AFF1: variants seen among roughly 807,000 people sequenced by gnomAD.
AFF1 encodes the protein AF4/FMR2 family member 1.
A neutral mutation model predicts 121.7 loss-of-function variants in AFF1; 48 were observed. The ratio of observed to expected loss-of-function variants is 0.39; its 90% CI spans 0.31 to 0.50. The LOEUF is 0.50. AFF1 is among the 20% of genes least tolerant of loss of function. AFF1 has a pLI of 0.76. For missense variants in AFF1, 1,523 were observed against 1,511.7 expected (o/e 1.01, Z -0.12); for synonymous variants, 613 against 563.0 (o/e 1.09, Z -1.26).
At chr4:86,986,594 C>T (rs1724295254) in intron 2 of AFF1, among the ~76,000 whole-genome samples, 1 of 149,896 alleles carries the variant, frequency 6.7e-6, no homozygotes. Context: ...TAGAACTCTG[C>T]AGAAAAAAAA....
rs141135920 is a variant in AFF1 at position 87,058,867 on chromosome 4, C to T, written c.1059+11273C>T. Among the ~76,000 whole-genome samples, 58 of 152,228 alleles carry T rather than the reference C, an allele frequency of 3.8e-4. No homozygotes were observed. In the Middle Eastern group the frequency reaches 0.01, roughly 27 times the overall value. ...TGTGCCTTCACGCCACTGCCTCTGC[C>T]GGCAGGAGCCACTAGTGGACTGTAT... On this transcript the variant is annotated intron_variant, in intron 4 of 20. Coordinates refer to ENST00000395146, the MANE Select transcript of AFF1 (RefSeq NM_001166693.3).
In AFF1 at chr4:87,029,240, G is replaced by A. The variant is rs151153980; in HGVS notation, c.39-16926G>A. Among the ~76,000 whole-genome samples, 542 of 152,292 alleles carry A rather than the reference G, an allele frequency of 3.6e-3. 6 individuals carry two copies. Among genetic ancestry groups the A allele is most frequent in the African/African-American group, 0.012 (518 of 41,550 alleles). On this transcript the variant is annotated intron_variant, in intron 2 of 20. Transcript: ENST00000395146. Reference sequence around the variant, plus strand: ...GTTGGGAATCTGTGATTAGGCTAGAGTTATAAGGGGAAACAAGGTCTCCCT... The same window carrying A: ...GTTGGGAATCTGTGATTAGGCTAGAATTATAAGGGGAAACAAGGTCTCCCT...
intron 4 of AFF1, among the ~76,000 whole-genome samples, chr4:87,048,454 T>A (rs1352688018): frequency 6.6e-6 from 1 of 152,236 alleles, no homozygotes; most frequent in Non-Finnish European, 1.5e-5. Flanking sequence ...TTAAGATTAG[T>A]AGTGTGAAGT....
chr4:87,084,041 C>A, intron 4 of AFF1, 79 bp from the exon 5 acceptor site: 1 of 1,294,126 alleles, frequency 7.7e-7, no homozygotes, highest in Non-Finnish European at 1.1e-6. Flanking sequence ...AGTATTGCTG[C>A]ATTAATACAG....
At chr4:87,100,409 T>G (rs921689707) in intron 8 of AFF1, among the ~76,000 whole-genome samples, 3 of 152,102 alleles carry the variant, frequency 2.0e-5, no homozygotes, top group Non-Finnish European at 4.4e-5. Context: ...CTCTTTTTGG[T>G]GTTGTGATGA....
chr4:86,941,580 G>C (rs566850146), intron 1 of AFF1, among the ~76,000 whole-genome samples: 1 of 152,086 alleles, frequency 6.6e-6, no homozygotes, highest in African/African-American at 2.4e-5. Context: ...ATTGCTTTGG[G>C]GGTGGAGGTT....
chr4:87,126,994 G>C, intron 14 of AFF1, 32 bp from the exon 15 acceptor site: 1 of 1,575,622 alleles, frequency 6.3e-7, no homozygotes, highest in Non-Finnish European at 8.7e-7. Context: ...AAATGTTAGA[G>C]TGTAATCTGT....
intron 2 of AFF1, among the ~76,000 whole-genome samples, chr4:87,026,309 C>G (rs1160751255): frequency 6.6e-6 from 1 of 152,158 alleles, no homozygotes; most frequent in Non-Finnish European, 1.5e-5. Context: ...GTTGGCCAGG[C>G]TGGTCTTTGA....
intron 16 of AFF1, 129 bp from the exon 17 acceptor site, chr4:87,130,954 C>T: frequency 8.0e-7 from 1 of 1,244,652 alleles, no homozygotes; most frequent in Non-Finnish European, 1.1e-6. Flanking sequence ...TTAGTTCATT[C>T]ATCCTCACAC....
intron 2 of AFF1, 51 bp downstream of exon 2, chr4:86,948,622 TC>T (rs1478535239): frequency 1.5e-5 from 23 of 1,500,102 alleles, no homozygotes; most frequent in African/African-American, 4.2e-5. Context: ...AATTTTATAA[TC>T]TACTTTTCAA....
rs3035477 is a variant in AFF1, at chr4:86,963,963, G to GTTTTTTTTTTTT, written c.38+15402_38+15413dup. 1.9e-3 allele frequency among the ~76,000 whole-genome samples: 195 copies of GTTTTTTTTTTTT among 104,310 alleles called. 3 individuals are homozygous for GTTTTTTTTTTTT. Among genetic ancestry groups the GTTTTTTTTTTTT allele is most frequent in the African/African-American group, 4.5e-3 (117 of 26,198 alleles). 68.4% of individuals were successfully genotyped at this position (104,310 alleles called of 152,430 possible). A position where few individuals can be genotyped will look rare whatever the true frequency, so the allele number is the denominator to read the frequency against. On this transcript the variant is annotated intron_variant, in intron 2 of 20. Transcript: ENST00000395146. The stretch of plus-strand genomic sequence containing the variant: ...GGTGTGAGTCACCATGACTAGACTG[G>GTTTTTTTTTTTT]TTTTTTTTTTTTTTTTTTTTTAGTA...
intron 2 of AFF1, among the ~76,000 whole-genome samples, chr4:86,953,517 A>G (rs182180018): frequency 2.6e-4 from 40 of 152,314 alleles, no homozygotes; most frequent in Admixed American, 2.6e-4. Context: ...TGCAAAGACA[A>G]TGTTTTAGTT....
chr4:87,115,422 C>A, intron 12 of AFF1, 123 bp downstream of exon 12: 1 of 1,039,654 alleles, frequency 9.6e-7, no homozygotes, highest in Non-Finnish European at 1.4e-6. Context: ...TGCTTTGATT[C>A]GCTGTAGCCT....
intron 2 of AFF1, among the ~76,000 whole-genome samples, chr4:87,027,121 TGAGGGAAG>T (rs1009625849): frequency 7.2e-5 from 11 of 152,022 alleles, no homozygotes; most frequent in African/African-American, 2.7e-4. Context: ...GGGGAGGAAA[TGAGGGAAG>T]GTGAATTAAG....
In AFF1 at chr4:87,138,292, CT is replaced by C. The variant is rs1390074953; in HGVS notation, c.*2596del. Reference sequence around the variant, plus strand: ...TGAAGGATTTTTAAAATGATTTGCACTTTTTCACTGCATGCTTACAATTCCC... The same window carrying C: ...TGAAGGATTTTTAAAATGATTTGCACTTTTCACTGCATGCTTACAATTCCC... On this transcript the variant is annotated 3_prime_UTR_variant, in exon 21 of 21. Transcript: ENST00000395146. The C allele has an allele frequency of 4.3e-5, 10 of 232,430 alleles. No homozygotes were observed. Among genetic ancestry groups the C allele is most frequent in the African/African-American group, 2.2e-4 (10 of 45,288 alleles). 14.4% of individuals were successfully genotyped at this position (232,430 alleles called of 1,614,324 possible). A position where few individuals can be genotyped will look rare whatever the true frequency, so the allele number is the denominator to read the frequency against.
chr4:87,125,174 T>A, intron 13 of AFF1, 31 bp downstream of exon 13: 1 of 1,545,820 alleles, frequency 6.5e-7, no homozygotes, highest in Non-Finnish European at 8.8e-7. Flanking sequence ...CCACCTAATC[T>A]ACGGTGATCA....
At chr4:87,038,745 T>C (rs1454784788) in intron 2 of AFF1, among the ~76,000 whole-genome samples, 1 of 152,210 alleles carries the variant, frequency 6.6e-6, no homozygotes, top group African/African-American at 2.4e-5. Flanking sequence ...TAAGACTTAA[T>C]CCTTTCCAGA....
At chr4:87,074,068 C>T (rs1722410686) in intron 4 of AFF1, among the ~76,000 whole-genome samples, 1 of 151,936 alleles carries the variant, frequency 6.6e-6, no homozygotes, top group Admixed American at 6.5e-5. Context: ...TGCAGTTTCA[C>T]ACCCTCCCTG....
intron 4 of AFF1, among the ~76,000 whole-genome samples, chr4:87,066,740 G>GA (rs1721388322): frequency 2.0e-5 from 3 of 152,162 alleles, no homozygotes; most frequent in African/African-American, 7.2e-5. Flanking sequence ...GGCTTGACTT[G>GA]AGGGGTATCT....
Sources: gnomAD v4.1 joint callset for allele counts (sites outside exome capture counted in the v4.1 genomes callset) on GRCh38, gnomAD v4.1.1 for gene constraint, MANE v1.5 for transcripts, NCBI Gene and HGNC (gene_info 2026-07-23, HGNC 2026-07-21) for gene names.